The following ATP2B1 variants were observed in gnomAD, a reference collection of about 807,000 sequenced individuals.
ATP2B1 encodes plasma membrane calcium-transporting ATPase 1.
ATP2B1 carries 14 observed loss-of-function variants against 124.2 expected under a neutral mutation model. That is an observed-to-expected ratio of 0.11 (90% CI 0.07 to 0.18). The LOEUF (loss-of-function observed/expected upper bound fraction) is 0.18. Among genes scored for constraint, ATP2B1 ranks in the 10% least tolerant of loss-of-function variants. The pLI is 1.00. For missense variants in ATP2B1, 763 were observed against 1,466.1 expected, an observed-to-expected ratio of 0.52 and a Z score of 7.83; for synonymous variants, 449 against 492.4, an observed-to-expected ratio of 0.91 and a Z score of 1.17.
chr12:89,603,407 C>CT lies in ATP2B1; in HGVS notation c.2849-154dup. 1 of 697,670 alleles carries CT rather than the reference C, an allele frequency of 1.4e-6. No individual in the cohort carries two copies. Among genetic ancestry groups the CT allele is most frequent in the African/African-American group, 1.8e-5 (1 of 55,624 alleles). 43.2% of individuals were successfully genotyped at this position (697,670 alleles called of 1,614,324 possible). ...ACCTGGGATTATCTAGTACAACTCT[C>CT]TTGTTTTATAGGCAAGGAAACAGAA... On this transcript the variant is annotated intron_variant, in intron 17 of 20. Coordinates refer to ENST00000428670, the MANE Select transcript of ATP2B1 (RefSeq NM_001366521.1). The surrounding 1 kb of genome is among the most constrained non-coding windows in gnomAD (Gnocchi z 4.3).
intron 2 of ATP2B1, among the ~76,000 whole-genome samples, chr12:89,651,706 A>G (rs1243801063): frequency 3.9e-5 from 6 of 152,322 alleles, no homozygotes; most frequent in Middle Eastern, 3.4e-3. Flanking sequence ...CTCTTTCTTC[A>G]TAGTGCAACT....
intron 1 of ATP2B1, among the ~76,000 whole-genome samples, chr12:89,703,414 T>C (rs113642076): frequency 9.3e-4 from 141 of 152,328 alleles, no homozygotes; most frequent in African/African-American, 3.1e-3. Context: ...TCTTGGAAGA[T>C]CTACTTGCTG....
intron 1 of ATP2B1, among the ~76,000 whole-genome samples, chr12:89,689,706 T>C (rs994257477): frequency 1.1e-4 from 16 of 152,168 alleles, no homozygotes; most frequent in African/African-American, 3.6e-4. Context: ...CTTCCATTTG[T>C]CTATTTTAAA....
intron 1 of ATP2B1, among the ~76,000 whole-genome samples, chr12:89,664,588 C>T (rs564941256): frequency 1.3e-5 from 2 of 152,220 alleles, no homozygotes; most frequent in Non-Finnish European, 2.9e-5. Flanking sequence ...GGTTCTTAAA[C>T]TTCAGCATGC....
At chr12:89,640,103 A>G (rs1883280516) in intron 3 of ATP2B1, among the ~76,000 whole-genome samples, 1 of 152,186 alleles carries the variant, frequency 6.6e-6, no homozygotes, top group Admixed American at 6.5e-5. Flanking sequence ...AGACACATAG[A>G]CCACGGATAC....
intron 1 of ATP2B1, among the ~76,000 whole-genome samples, chr12:89,705,968 C>T (rs923048455): frequency 6.6e-6 from 1 of 152,146 alleles, no homozygotes; most frequent in Non-Finnish European, 1.5e-5. Context: ...ATAATATCCA[C>T]ATCTTAATTC....
intron 6 of ATP2B1, among the ~76,000 whole-genome samples, chr12:89,629,638 G>A (rs1881533172): frequency 6.6e-6 from 1 of 152,144 alleles, no homozygotes; most frequent in African/African-American, 2.4e-5. Context: ...TAGCAAACCA[G>A]GATTTTAGCC....
chr12:89,632,937 G>A (rs1882102703), intron 5 of ATP2B1, among the ~76,000 whole-genome samples: 3 of 152,098 alleles, frequency 2.0e-5, no homozygotes, highest in Admixed American at 2.0e-4. Flanking sequence ...TTCAGTTAAA[G>A]GAAATCAACC....
rs1873336626 is a variant in ATP2B1, at chr12:89,590,387, A to G, written c.*597T>C. On this transcript the variant is annotated 3_prime_UTR_variant, in exon 21 of 21. Transcript: ENST00000428670. ...TTTAACAAGGTAAATTGTAGGCAAAAATTTAGTACAGTTTCAATAGAAACA... is the reference window on the plus strand; with the variant it reads ...TTTAACAAGGTAAATTGTAGGCAAAGATTTAGTACAGTTTCAATAGAAACA... 6.6e-6 allele frequency: 1 copy of G among 152,088 alleles called. No individual in the cohort carries two copies. The highest frequency in any genetic ancestry group is 1.5e-5 in the Non-Finnish European group (1 of 67,902). 9.4% of individuals were successfully genotyped at this position (152,088 alleles called of 1,614,324 possible).
chr12:89,684,018 TCTA>T (rs1889671872), intron 1 of ATP2B1, among the ~76,000 whole-genome samples: 2 of 152,094 alleles, frequency 1.3e-5, no homozygotes, highest in South Asian at 4.1e-4. Context: ...GAGGACAATG[TCTA>T]CAAGTCAATA....
At chr12:89,630,880 A>C (rs553767377) in intron 5 of ATP2B1, 2 of 173,948 alleles carry the variant, frequency 1.1e-5, no homozygotes, top group Non-Finnish European at 2.4e-5. Flanking sequence ...TCCTGGGCTG[A>C]AGTAACCCTC....
chr12:89,681,973 A>C (rs1889404251), intron 1 of ATP2B1, among the ~76,000 whole-genome samples: 1 of 152,176 alleles, frequency 6.6e-6, no homozygotes, highest in East Asian at 1.9e-4. Flanking sequence ...TGATCTCTAC[A>C]GATGACATAA....
chr12:89,658,598 G>GAGAGA (rs1886258752), intron 1 of ATP2B1, among the ~76,000 whole-genome samples: 16 of 69,582 alleles, frequency 2.3e-4, no homozygotes, highest in African/African-American at 9.0e-4. Flanking sequence ...AATTCAAACA[G>GAGAGA]GAGAGAGAGA....
chr12:89,638,975 G>A (rs1225798939), intron 3 of ATP2B1, among the ~76,000 whole-genome samples: 7 of 152,068 alleles, frequency 4.6e-5, no homozygotes, highest in Non-Finnish European at 7.4e-5. Context: ...AAGAGGTCTC[G>A]AGACCAAAAA....
At chr12:89,634,730 A>C in intron 5 of ATP2B1, 48 bp downstream of exon 5, 1 of 1,501,738 alleles carries the variant, frequency 6.7e-7, no homozygotes, top group Non-Finnish European at 9.0e-7. Context: ...ACAATGGTAC[A>C]TAGTTGCGAA....
At position 89,669,178 on chromosome 12, in the gene ATP2B1, T is replaced by C. The variant is rs116649853; in HGVS notation, c.-221-13071A>G. ...CAGCTTACAGTTTAATCTTTCTTCCTGATTAAACTGTAAGCTGAGGGCAGG... is the reference window on the plus strand; with the variant it reads ...CAGCTTACAGTTTAATCTTTCTTCCCGATTAAACTGTAAGCTGAGGGCAGG... On this transcript the variant is annotated intron_variant, in intron 1 of 20. Coordinates refer to ENST00000428670, the MANE Select transcript of ATP2B1 (RefSeq NM_001366521.1). Among the ~76,000 whole-genome samples, 347 of 152,306 alleles carry C rather than the reference T, an allele frequency of 2.3e-3. 2 individuals are homozygous for C. The highest frequency in any genetic ancestry group is 8.0e-3 in the African/African-American group (332 of 41,558).
At chr12:89,678,588 G>C (rs372718206) in intron 1 of ATP2B1, among the ~76,000 whole-genome samples, 2 of 152,090 alleles carry the variant, frequency 1.3e-5, no homozygotes, top group South Asian at 4.1e-4. Context: ...TAGACAATGG[G>C]ATACAGCTTC....
chr12:89,594,332 A>G (rs1874155913), intron 20 of ATP2B1: 3 of 151,998 alleles, frequency 2.0e-5, no homozygotes, highest in Admixed American at 2.0e-4. Flanking sequence ...GAAAATAATA[A>G]TTTTGTGCAC....
chr12:89,677,971 T>TATACACACACACACACACACACAC (rs1461216851), intron 1 of ATP2B1, among the ~76,000 whole-genome samples: 1 of 52,308 alleles, frequency 1.9e-5, no homozygotes, highest in Non-Finnish European at 4.0e-5. Flanking sequence ...TATATATATA[T>TATACACACACACACACACACACAC]ACACACACAC....
Sources: gnomAD v4.1 joint callset for allele counts (sites outside exome capture counted in the v4.1 genomes callset) on GRCh38, gnomAD v4.1.1 for gene constraint, Gnocchi (gnomAD v3.1) non-coding constraint, MANE v1.5 for transcripts, NCBI Gene and HGNC (gene_info 2026-07-23, HGNC 2026-07-21) for gene names.